Variants in EMSY observed in about 807,000 individuals in gnomAD.
The protein encoded by EMSY is BRCA2-interacting transcriptional repressor EMSY.
EMSY carries 26 observed loss-of-function variants against 134.6 expected under a neutral mutation model. The observed-to-expected ratio is 0.19, with a 90% CI of 0.14 to 0.27. The LOEUF (loss-of-function observed/expected upper bound fraction) is 0.27, where lower values mean the gene tolerates loss of function less well. Ranked by LOEUF, EMSY falls within the 10% of genes least tolerant of loss-of-function variation. EMSY has a pLI of 1.00. For synonymous variants in EMSY, 579 were observed against 577.8 expected (o/e 1.00, Z -0.03); for missense variants, 1,305 against 1,611.4 (o/e 0.81, Z 3.26).
At chr11:76,499,470 G>T (rs1949776774) in intron 9 of EMSY, among the ~76,000 whole-genome samples, 2 of 151,220 alleles carry the variant, frequency 1.3e-5, no homozygotes, top group African/African-American at 4.9e-5. Context: ...TGTATTTTTA[G>T]TAGAGACGGG....
At chr11:76,476,587 A>C (rs1365101181) in intron 8 of EMSY, among the ~76,000 whole-genome samples, 1 of 152,216 alleles carries the variant, frequency 6.6e-6, no homozygotes, top group Admixed American at 6.5e-5. Context: ...GATGTCTATC[A>C]ATATATTGCA....
chr11:76,499,047 C>T (rs1046981613), intron 9 of EMSY, among the ~76,000 whole-genome samples: 3 of 152,106 alleles, frequency 2.0e-5, no homozygotes, highest in East Asian at 3.9e-4. Context: ...CTGCAACCTC[C>T]GCCTCCTGGG....
At chr11:76,448,573 A>C (rs959385083) in intron 2 of EMSY, among the ~76,000 whole-genome samples, 1 of 151,850 alleles carries the variant, frequency 6.6e-6, no homozygotes, top group Admixed American at 6.6e-5. Context: ...ATTTATTCCT[A>C]ATTTAATCAG....
intron 14 of EMSY, among the ~76,000 whole-genome samples, chr11:76,533,449 G>A (rs2513514): frequency 0.17 from 24,931 of 150,152 alleles, 2,523 homozygotes; most frequent in East Asian, 0.37. Context: ...ACTGTGCAGA[G>A]TTGTAAGGAA....
At chr11:76,540,847 A>G (rs1951412477) in intron 17 of EMSY, among the ~76,000 whole-genome samples, 2 of 152,222 alleles carry the variant, frequency 1.3e-5, no homozygotes, top group Non-Finnish European at 2.9e-5. Context: ...TTACAGATAT[A>G]TTGTATTTTT....
intron 1 of EMSY, among the ~76,000 whole-genome samples, chr11:76,446,016 G>T (rs1419223128): frequency 1.3e-5 from 2 of 152,104 alleles, no homozygotes; most frequent in East Asian, 3.9e-4. Context: ...AGTTATTTCG[G>T]TTCGGTGTCT....
chr11:76,479,875 T>G (rs905125476), intron 8 of EMSY, among the ~76,000 whole-genome samples: 1 of 152,218 alleles, frequency 6.6e-6, no homozygotes, highest in African/African-American at 2.4e-5. Flanking sequence ...CCATCAGCAT[T>G]GGAGTGAACT....
chr11:76,470,558 C>G (rs910127919), intron 7 of EMSY, among the ~76,000 whole-genome samples: 7 of 152,106 alleles, frequency 4.6e-5, no homozygotes, highest in Admixed American at 2.0e-4. Context: ...ACTTTGATCA[C>G]TTTTCTTTAT....
At chr11:76,469,706 C>T (rs1948498578) in intron 7 of EMSY, among the ~76,000 whole-genome samples, 1 of 152,086 alleles carries the variant, frequency 6.6e-6, no homozygotes, top group Non-Finnish European at 1.5e-5. Flanking sequence ...GTATTATTAT[C>T]CCCATTTTAT....
At chr11:76,545,841 A>G (rs1274552000) in exon 20 of EMSY, 6 of 1,613,590 alleles carry the variant, frequency 3.7e-6, no homozygotes, top group Non-Finnish European at 2.5e-6. Flanking sequence ...TTACAAAGAT[A>G]ACTTTTGAGG....
intron 2 of EMSY, among the ~76,000 whole-genome samples, chr11:76,451,558 C>A (rs1947669657): frequency 6.6e-6 from 1 of 152,140 alleles, no homozygotes; most frequent in East Asian, 1.9e-4. Flanking sequence ...TGCCTATTCC[C>A]AGTTGTTGGT....
chr11:76,493,511 C>T (rs758572070), intron 8 of EMSY, among the ~76,000 whole-genome samples: 1 of 152,128 alleles, frequency 6.6e-6, no homozygotes, highest in Non-Finnish European at 1.5e-5. Context: ...GGGCTTTTTC[C>T]GGTCCATTGG....
intron 7 of EMSY, among the ~76,000 whole-genome samples, chr11:76,471,998 T>C (rs1948590461): frequency 6.6e-6 from 1 of 152,202 alleles, no homozygotes; most frequent in African/African-American, 2.4e-5. Context: ...GAGGTCTTTA[T>C]TGAATACATT....
At chr11:76,481,404 C>T (rs1385660127) in intron 8 of EMSY, among the ~76,000 whole-genome samples, 3 of 152,176 alleles carry the variant, frequency 2.0e-5, no homozygotes, top group African/African-American at 7.2e-5. Context: ...GAACCATTCA[C>T]TCCCCTGGAA....
At chr11:76,450,867 C>A (rs1478081019) in intron 2 of EMSY, among the ~76,000 whole-genome samples, 10 of 150,328 alleles carry the variant, frequency 6.7e-5, no homozygotes, top group African/African-American at 2.5e-4. Context: ...GATCACAGCT[C>A]ACTGCATCCT....
chr11:76,526,491 A>C, exon 13 of EMSY: 1 of 1,613,094 alleles, frequency 6.2e-7, no homozygotes, highest in Non-Finnish European at 8.5e-7. Context: ...CAGTGCCAAC[A>C]GGAGCAAAGC....
chr11:76,486,450 G>C (rs567800276), intron 8 of EMSY, among the ~76,000 whole-genome samples: 109 of 152,294 alleles, frequency 7.2e-4, no homozygotes, highest in Middle Eastern at 3.4e-3. Flanking sequence ...ACAGAGGCAT[G>C]AGTGTGGATG....
chr11:76,459,688 G>T, intron 5 of EMSY: 2 of 434,416 alleles, frequency 4.6e-6, no homozygotes, highest in Non-Finnish European at 8.2e-6. Flanking sequence ...TTGTAACTGT[G>T]TTTTTCTCCG....
intron 3 of EMSY, among the ~76,000 whole-genome samples, chr11:76,452,967 C>G (rs900826388): frequency 6.6e-6 from 1 of 152,136 alleles, no homozygotes; most frequent in East Asian, 1.9e-4. Context: ...ATTAGGAAGC[C>G]ATTCAGCATC....
Sources: gnomAD v4.1 joint callset for allele counts (sites outside exome capture counted in the v4.1 genomes callset) on GRCh38, gnomAD v4.1.1 for gene constraint, MANE v1.5 for transcripts, NCBI Gene and HGNC (gene_info 2026-07-23, HGNC 2026-07-21) for gene names.